Variants in ENTREP2 observed in about 807,000 individuals in gnomAD.
The protein encoded by ENTREP2 is endosomal transmembrane epsin interactor 2, also known as protein ENTREP2.
chr15:29,136,355 C>G, the ENTREP2 span: 975 of 1,491,742 alleles, frequency 6.5e-4, 2 homozygotes, highest in Non-Finnish European at 8.1e-4. Flanking sequence ...GTCTGGGGCC[C>G]CAGGCCTCAC....
the ENTREP2 span, among the ~76,000 whole-genome samples, chr15:29,149,983 G>T: frequency 6.6e-6 from 1 of 152,218 alleles, no homozygotes; most frequent in Admixed American, 6.5e-5. Context: ...GCCGCAGCCT[G>T]CCTTTCCCTT....
chr15:29,433,643 AG>A, the ENTREP2 span, among the ~76,000 whole-genome samples: 2 of 152,132 alleles, frequency 1.3e-5, no homozygotes, highest in African/African-American at 2.4e-5. Flanking sequence ...TAGGCTTCAA[AG>A]GCTGGCCCCA....
At chr15:29,490,910 T>C in the ENTREP2 span, among the ~76,000 whole-genome samples, 7,315 of 152,196 alleles carry the variant, frequency 0.048, 550 homozygotes, top group African/African-American at 0.17. Context: ...ACTGGACGCC[T>C]ATGGAGCAGG....
the ENTREP2 span, among the ~76,000 whole-genome samples, chr15:29,214,107 C>G: frequency 0.066 from 10,073 of 152,074 alleles, 1,131 homozygotes; most frequent in African/African-American, 0.23. Flanking sequence ...TAAACCAGTT[C>G]AACCATTGTG....
chr15:29,202,317 T>A, the ENTREP2 span, among the ~76,000 whole-genome samples: 206 of 152,290 alleles, frequency 1.4e-3, no homozygotes, highest in African/African-American at 4.8e-3. Context: ...GGGTTGATTA[T>A]GCTGCTCTTT....
the ENTREP2 span, among the ~76,000 whole-genome samples, chr15:29,540,102 A>AC: frequency 1.3e-5 from 2 of 152,060 alleles, no homozygotes; most frequent in South Asian, 4.2e-4. Context: ...TACTCCTGAC[A>AC]CCCCAGCCTT....
the ENTREP2 span, among the ~76,000 whole-genome samples, chr15:29,539,362 T>C: frequency 6.6e-6 from 1 of 152,114 alleles, no homozygotes; most frequent in Admixed American, 6.5e-5. Context: ...TCCTTTCTTG[T>C]TGCCCCCGCC....
chr15:29,648,220 T>G, the ENTREP2 span, among the ~76,000 whole-genome samples: 9 of 152,214 alleles, frequency 5.9e-5, no homozygotes, highest in Non-Finnish European at 1.2e-4. Flanking sequence ...GCTCCTGATT[T>G]AGGCACTTCT....
chr15:29,611,880 C>T, the ENTREP2 span, among the ~76,000 whole-genome samples: 1 of 152,134 alleles, frequency 6.6e-6, no homozygotes, highest in Non-Finnish European at 1.5e-5. Flanking sequence ...GCCTTTAAAC[C>T]AAGGCTGCCA....
At chr15:29,435,206 A>G in the ENTREP2 span, among the ~76,000 whole-genome samples, 4,388 of 152,108 alleles carry the variant, frequency 0.029, 223 homozygotes, top group African/African-American at 0.1. Context: ...TTTGTCTGGC[A>G]TTTGTGTTTT....
chr15:29,508,230 C>T, the ENTREP2 span, among the ~76,000 whole-genome samples: 1,023 of 152,248 alleles, frequency 6.7e-3, 10 homozygotes, highest in African/African-American at 0.023. Context: ...AGACCAATAA[C>T]AAGTTCTGAA....
At chr15:29,378,949 T>C in the ENTREP2 span, among the ~76,000 whole-genome samples, 1 of 152,196 alleles carries the variant, frequency 6.6e-6, no homozygotes, top group African/African-American at 2.4e-5. Flanking sequence ...GCCGAGGCTA[T>C]CTCAATGGTC....
the ENTREP2 span, among the ~76,000 whole-genome samples, chr15:29,554,397 A>C: frequency 6.7e-6 from 1 of 149,188 alleles, no homozygotes; most frequent in African/African-American, 2.5e-5. Context: ...GGAGAGAGGG[A>C]GGAAAGGAGG....
chr15:29,627,540 T>TA, the ENTREP2 span, among the ~76,000 whole-genome samples: 2,985 of 120,162 alleles, frequency 0.025, 41 homozygotes, highest in South Asian at 0.081. Flanking sequence ...AGACTCCATC[T>TA]AAAAAAAAAA....
chr15:29,646,028 T>C, the ENTREP2 span, among the ~76,000 whole-genome samples: 1 of 152,190 alleles, frequency 6.6e-6, no homozygotes, highest in Non-Finnish European at 1.5e-5. Context: ...ATTTATGTTT[T>C]TGGTCTTGTC....
chr15:29,375,852 A>C, the ENTREP2 span: 1 of 152,240 alleles, frequency 6.6e-6, no homozygotes, highest in East Asian at 1.9e-4. Context: ...GCTCACCGAG[A>C]TCTTTGGTGT....
chr15:29,606,640 A>G, the ENTREP2 span, among the ~76,000 whole-genome samples: 1 of 152,156 alleles, frequency 6.6e-6, no homozygotes, highest in Non-Finnish European at 1.5e-5. Flanking sequence ...TTTTTCTCAA[A>G]AAATCCTGGT....
the ENTREP2 span, among the ~76,000 whole-genome samples, chr15:29,503,450 G>A: frequency 6.6e-6 from 1 of 152,090 alleles, no homozygotes; most frequent in African/African-American, 2.4e-5. Context: ...GGAATTGGAG[G>A]TGACTGCTAA....
the ENTREP2 span, among the ~76,000 whole-genome samples, chr15:29,577,292 T>C: frequency 6.8e-6 from 1 of 147,834 alleles, no homozygotes; most frequent in Non-Finnish European, 1.5e-5. Flanking sequence ...CCCAAATGAA[T>C]TGAAAGCAGG....
Sources: gnomAD v4.1 joint callset for allele counts (sites outside exome capture counted in the v4.1 genomes callset) on GRCh38, gnomAD v4.1.1 for gene constraint, MANE v1.5 for transcripts, NCBI Gene and HGNC (gene_info 2026-07-23, HGNC 2026-07-21) for gene names.